TMX1: variants seen among roughly 807,000 people sequenced by gnomAD.
TMX1 encodes the protein thioredoxin related transmembrane protein 1.
Under a neutral mutation model 36.6 loss-of-function variants are expected in TMX1, and 25 were observed. That is an observed-to-expected ratio of 0.68 (90% CI 0.50 to 0.95). The LOEUF is 0.95. Ranked by LOEUF, TMX1 falls within the 40% of genes least tolerant of loss-of-function variation. TMX1 has a pLI of 0.00. For synonymous variants in TMX1, 133 were observed against 118.0 expected (o/e 1.13, Z -0.82); for missense variants, 347 against 339.6 (o/e 1.02, Z -0.17).
At chr14:51,247,420 A>T (rs370655594) in intron 4 of TMX1, among the ~76,000 whole-genome samples, 200 bp downstream of exon 4, 2 of 141,938 alleles carry the variant, frequency 1.4e-5, no homozygotes, top group African/African-American at 5.3e-5. Flanking sequence ...GCAGTGGCGC[A>T]ATCTCGGCTC....
chr14:51,251,131 A>G (rs910195805), intron 7 of TMX1, among the ~76,000 whole-genome samples: 1 of 152,270 alleles, frequency 6.6e-6, no homozygotes, highest in African/African-American at 2.4e-5. Flanking sequence ...TACAAAAGAT[A>G]GATATATAAA....
At position 51,249,465 on chromosome 14, in the gene TMX1, T is replaced by C; in HGVS notation, c.490-3T>C. 4 of 1,596,440 alleles carry C rather than the reference T, an allele frequency of 2.5e-6. No homozygotes were observed. Among genetic ancestry groups the C allele is most frequent in the Non-Finnish European group, 3.4e-6 (4 of 1,175,244 alleles). On this transcript the variant is annotated splice_polypyrimidine_tract_variant and splice_region_variant and intron_variant, in intron 5 of 7. Transcript: ENST00000457354. ...TTAGTTTTTTTTTTTCTTTTGATTT[T>C]AGACTTGCCATAACTACTTTATTGA...
At chr14:51,243,037 A>G (rs1002113343) in intron 1 of TMX1, among the ~76,000 whole-genome samples, 3 of 151,634 alleles carry the variant, frequency 2.0e-5, no homozygotes, top group Admixed American at 2.0e-4. Context: ...AATGTGAAGT[A>G]CAGAAAGTAT....
rs2065831042 is a variant in TMX1 at position 51,254,717 on chromosome 14, T to C, written c.*198T>C. On this transcript the variant is annotated 3_prime_UTR_variant, in exon 8 of 8. Coordinates refer to ENST00000457354, the MANE Select transcript of TMX1 (RefSeq NM_030755.5). ...GAAATATGATTTAAGCACAGTATGA[T>C]GGTTTAAATAGTTCTCTAATTTTTG... 1 of 411,842 alleles carries C rather than the reference T, an allele frequency of 2.4e-6. No homozygotes were observed. Among genetic ancestry groups the C allele is most frequent in the Admixed American group, 4.5e-5 (1 of 22,316 alleles). 25.5% of individuals were successfully genotyped at this position (411,842 alleles called of 1,614,324 possible). A position where few individuals can be genotyped will look rare whatever the true frequency, so the allele number is the denominator to read the frequency against.
At chr14:51,240,595 G>T in intron 1 of TMX1, 151 bp downstream of exon 1, 1 of 1,187,188 alleles carries the variant, frequency 8.4e-7, no homozygotes. Flanking sequence ...AAACTCTTGG[G>T]ATCTGCCGCC....
Position 51,243,957 on chromosome 14 carries a change from T to C in TMX1, c.254T>C (p.Val85Ala), listed in dbSNP as rs1410112078. The change falls in exon 2 of 8, where the codon GTC (valine) becomes GCC (alanine). Residue 85 changes from valine to alanine, a missense_variant. By Grantham distance (64) the Val-to-Ala change is moderately conservative. Transcript: ENST00000457354. Reference protein sequence around the residue: ...DLEVNIAKVDVTEQPGLSGRF... With the variant: ...DLEVNIAKVDATEQPGLSGRF... ...GAGGTTAATATTGCGAAAGTAGATG[T>C]CACAGAGCAGCCAGGTACTGTAAGT... 2 of 1,609,702 alleles carry C rather than the reference T, an allele frequency of 1.2e-6. No individual in the cohort carries two copies. The highest frequency in any genetic ancestry group is 1.1e-5 in the South Asian group (1 of 89,784).
rs1465733474 is a variant in TMX1, at chr14:51,256,221, CA to C, written c.*1703del. ...AGGACAGTAATGCTCATTAATCAAGCATTTTTTTTTTTTAGTGTTCTAGTAT... is the reference window on the plus strand; with the variant it reads ...AGGACAGTAATGCTCATTAATCAAGCTTTTTTTTTTTTAGTGTTCTAGTAT... On this transcript the variant is annotated 3_prime_UTR_variant, in exon 8 of 8. Transcript: ENST00000457354. The C allele has an allele frequency of 4.6e-5, 7 of 151,316 alleles. No individual in the cohort carries two copies. The highest frequency in any genetic ancestry group is 3.4e-3 in the Middle Eastern group (1 of 292). The allele number at this position is 151,316 out of a possible 1,614,324, so 9.4% of individuals were successfully genotyped here.
In TMX1 at chr14:51,255,917, GT is replaced by G. The variant is rs1469038692; in HGVS notation, c.*1402del. The G allele has an allele frequency of 6.6e-6, 1 of 152,420 alleles. No homozygotes were observed. Among genetic ancestry groups the G allele is most frequent in the Non-Finnish European group, 1.5e-5 (1 of 67,938 alleles). The allele number at this position is 152,420 out of a possible 1,614,324, so 9.4% of individuals were successfully genotyped here. Reference sequence around the variant, plus strand: ...AGATTTACAGTATCGTAATATACAAGTTTTCTTTAAAGCCCTCTCCTTTAGA... The same window carrying G: ...AGATTTACAGTATCGTAATATACAAGTTTCTTTAAAGCCCTCTCCTTTAGA... On this transcript the variant is annotated 3_prime_UTR_variant, in exon 8 of 8. Transcript: ENST00000457354.
chr14:51,250,643 C>A (rs565005054), intron 7 of TMX1, among the ~76,000 whole-genome samples: 2 of 152,288 alleles, frequency 1.3e-5, no homozygotes, highest in Non-Finnish European at 2.9e-5. Context: ...AGGTGCCCAC[C>A]ACCACGCCCG....
At position 51,254,462 on chromosome 14, in the gene TMX1, A is replaced by C. The variant is rs759536065; in HGVS notation, c.786A>C (p.Pro262=). 2 of 1,611,580 alleles carry C rather than the reference A, an allele frequency of 1.2e-6. No individual in the cohort carries two copies. Among genetic ancestry groups the C allele is most frequent in the Non-Finnish European group, 1.7e-6 (2 of 1,179,158 alleles). ...ESKEGTNKDF[P]QNAIRQRSLG... is the part of the protein sequence containing the mutation. ...AAGAAGGAACAAACAAAGACTTTCC[A>C]CAGAATGCCATAAGACAACGCTCTC... is the stretch of plus-strand genomic sequence containing the variant. The change falls in exon 8 of 8, where the codon CCA becomes CCC. Residue 262 remains proline, a synonymous_variant. Transcript: ENST00000457354.
intron 1 of TMX1, among the ~76,000 whole-genome samples, chr14:51,243,055 T>C (rs1451925806): frequency 1.3e-5 from 2 of 150,796 alleles, no homozygotes; most frequent in Non-Finnish European, 2.9e-5. Context: ...TATAGTTTTG[T>C]GTTTAACTGC....
chr14:51,253,215 A>G (rs2065822932), intron 7 of TMX1, among the ~76,000 whole-genome samples: 2 of 152,166 alleles, frequency 1.3e-5, no homozygotes, highest in South Asian at 4.1e-4. Context: ...TACACTGTTG[A>G]ATATTTAATA....
rs2065803479 is a variant in TMX1, at chr14:51,249,784, G to A, written c.664+19G>A. The A allele has an allele frequency of 1.3e-6, 2 of 1,568,606 alleles. No homozygotes were observed. Among genetic ancestry groups the A allele is most frequent in the East Asian group, 2.2e-5 (1 of 44,556 alleles). The stretch of plus-strand genomic sequence containing the variant: ...CCTTCAAGTAAGTATATTTTAAAAT[G>A]TTTATTTTTTATTCACGATAGTCCT... On this transcript the variant is annotated intron_variant, in intron 7 of 7. Transcript: ENST00000457354.
At chr14:51,245,532 A>G (rs773234977) in intron 3 of TMX1, 174 bp downstream of exon 3, 28 of 1,466,738 alleles carry the variant, frequency 1.9e-5, no homozygotes, top group Non-Finnish European at 2.4e-5. Context: ...TAGGTAGTTG[A>G]GTGATGTGTG....
intron 7 of TMX1, 152 bp from the exon 8 acceptor site, chr14:51,254,189 A>G (rs1358426728): frequency 5.2e-6 from 3 of 577,018 alleles, no homozygotes; most frequent in Non-Finnish European, 8.3e-6. Context: ...GGTTTTTTTT[A>G]TCTTATCTTG....
chr14:51,250,515 G>A (rs1010679069), intron 7 of TMX1, among the ~76,000 whole-genome samples: 3 of 151,954 alleles, frequency 2.0e-5, no homozygotes, highest in Admixed American at 6.6e-5. Context: ...TTTTTGAGAC[G>A]GAGTCTCGCT....
At position 51,240,577 on chromosome 14, in the gene TMX1, A is replaced by G. The variant is rs1366147833; in HGVS notation, c.152+133A>G. ...CGGAGCGAGCGTCCCCGACTTCTGC[A>G]GCTCCCCAAACTCTTGGGATCTGCC... On this transcript the variant is annotated intron_variant, in intron 1 of 7. Transcript: ENST00000457354. 1.4e-5 allele frequency: 18 copies of G among 1,303,918 alleles called. No homozygotes were observed. In the East Asian group the frequency reaches 3.8e-4, roughly 28 times the overall value. The allele number at this position is 1,303,918 out of a possible 1,614,324, so 80.8% of individuals were successfully genotyped here.
At chr14:51,245,463 A>C in intron 3 of TMX1, 105 bp downstream of exon 3, 1 of 1,559,180 alleles carries the variant, frequency 6.4e-7, no homozygotes, top group South Asian at 1.2e-5. Context: ...AGGTAATCTC[A>C]TTATATTCAG....
intron 1 of TMX1, among the ~76,000 whole-genome samples, chr14:51,241,834 T>A (rs955448600): frequency 1.3e-5 from 2 of 152,042 alleles, no homozygotes; most frequent in Non-Finnish European, 2.9e-5. Flanking sequence ...TGTTATTTTT[T>A]AAAAAAACAA....
Sources: gnomAD v4.1 joint callset for allele counts (sites outside exome capture counted in the v4.1 genomes callset) on GRCh38, gnomAD v4.1.1 for gene constraint, MANE v1.5 for transcripts, NCBI Gene and HGNC (gene_info 2026-07-23, HGNC 2026-07-21) for gene names.